BID: variants seen among roughly 807,000 people sequenced by gnomAD.
The protein encoded by BID is BH3-interacting domain death agonist.
A neutral mutation model predicts 17.4 loss-of-function variants in BID; 19 were observed. The observed-to-expected ratio is 1.09, with a 90% CI of 0.76 to 1.60. BID has a LOEUF of 1.60. BID is among the 40% of genes most tolerant of loss of function. The pLI is 0.00. For missense variants in BID, 226 were observed against 256.0 expected, an observed-to-expected ratio of 0.88 and a Z score of 0.80; for synonymous variants, 108 against 102.8, an observed-to-expected ratio of 1.05 and a Z score of -0.31.
intron 5 of BID, among the ~76,000 whole-genome samples, chr22:17,736,772 G>A (rs575550190): frequency 1.9e-3 from 293 of 151,972 alleles, no homozygotes; most frequent in Non-Finnish European, 3.3e-3. Flanking sequence ...CCTCCATGAC[G>A]GCGTGAACTA....
intron 1 of BID, among the ~76,000 whole-genome samples, chr22:17,772,854 C>T (rs2061731174): frequency 6.6e-6 from 1 of 151,910 alleles, no homozygotes; most frequent in Non-Finnish European, 1.5e-5. Context: ...ATCCCCCATA[C>T]CACCCTGGGG....
At position 17,744,023 on chromosome 22, in the gene BID, A is replaced by G. The variant is rs771880230; in HGVS notation, c.13-10T>C. ...TGGAACCGTTGTTGACCTGAGGGGA[A>G]AGGGGAGTCAGGAAGCCGGGACTTC... On this transcript the variant is annotated splice_polypyrimidine_tract_variant and intron_variant, in intron 2 of 5. Coordinates refer to ENST00000622694, the MANE Select transcript of BID (RefSeq NM_001196.4). The G allele has an allele frequency of 1.7e-5, 27 of 1,610,390 alleles. No individual in the cohort carries two copies. The highest frequency in any genetic ancestry group is 1.6e-4 in the Middle Eastern group (1 of 6,074).
intron 5 of BID, among the ~76,000 whole-genome samples, 167 bp downstream of exon 5, chr22:17,737,850 C>CT (rs2061430726): frequency 6.6e-6 from 1 of 152,184 alleles, no homozygotes; most frequent in Non-Finnish European, 1.5e-5. Context: ...TCTTCGTCAC[C>CT]TTTACACACA....
intron 1 of BID, among the ~76,000 whole-genome samples, chr22:17,768,860 G>A (rs112896765): frequency 0.13 from 18,124 of 140,934 alleles, 1,655 homozygotes; most frequent in East Asian, 0.38. Flanking sequence ...GCGACAGAGC[G>A]AGACTCCGTC....
intron 1 of BID, among the ~76,000 whole-genome samples, chr22:17,752,964 CTTTTT>C (rs34597946): frequency 1.2e-5 from 1 of 85,186 alleles, no homozygotes; most frequent in African/African-American, 4.8e-5. Flanking sequence ...CGCGCCCAGT[CTTTTT>C]TTTTTTTTTT....
At chr22:17,760,077 T>A (rs2061625289) in intron 1 of BID, among the ~76,000 whole-genome samples, 1 of 139,646 alleles carries the variant, frequency 7.2e-6, no homozygotes, top group South Asian at 2.2e-4. Context: ...GAGCTTGCAG[T>A]GAGCCGAGAT....
At chr22:17,763,433 C>T (rs1050881795) in intron 1 of BID, among the ~76,000 whole-genome samples, 13 of 151,928 alleles carry the variant, frequency 8.6e-5, no homozygotes, top group Non-Finnish European at 1.3e-4. Flanking sequence ...TAGTAGAGAC[C>T]GGGTTCCTCC....
intron 1 of BID, among the ~76,000 whole-genome samples, chr22:17,758,886 G>A (rs1365689495): frequency 6.6e-6 from 1 of 150,564 alleles, no homozygotes; most frequent in African/African-American, 2.5e-5. Flanking sequence ...GCTTAAAATG[G>A]GAAATCTTAT....
At position 17,773,996 on chromosome 22, in the gene BID, G is replaced by A; in HGVS notation, c.-59+385C>T. On this transcript the variant is annotated intron_variant, in intron 1 of 5. Coordinates refer to ENST00000622694, the MANE Select transcript of BID (RefSeq NM_001196.4). This position sits in a 1 kb window ranked among gnomAD's most constrained non-coding sequence, Gnocchi z 4.4. ...CGCCGGCAAGGGTGGCCTGCACCCG[G>A]CCAGGCCCGCGGGTTTTCTCCTCTC... 2.1e-6 allele frequency: 1 copy of A among 482,436 alleles called. No homozygotes were observed. Among genetic ancestry groups the A allele is most frequent in the Non-Finnish European group, 3.7e-6 (1 of 266,952 alleles). 29.9% of individuals were successfully genotyped at this position (482,436 alleles called of 1,614,324 possible). A position where few individuals can be genotyped will look rare whatever the true frequency, so the allele number is the denominator to read the frequency against.
chr22:17,751,857 G>A (rs1438433235), intron 1 of BID, among the ~76,000 whole-genome samples: 3 of 152,196 alleles, frequency 2.0e-5, no homozygotes, highest in African/African-American at 4.8e-5. Flanking sequence ...GCCATCTGCC[G>A]GCTCCACAGC....
rs1280237795 is a variant in BID, at chr22:17,764,503, G to A, written c.-59+9878C>T. ...AAAAGGTCAAGGTTAGGTTAAGACT[G>A]CAGACACTAAGAGATCACAGATGCT... is the stretch of plus-strand genomic sequence containing the variant. On this transcript the variant is annotated intron_variant, in intron 1 of 5. Transcript: ENST00000622694. Among the ~76,000 whole-genome samples, 3 of 152,218 alleles carry A rather than the reference G, an allele frequency of 2.0e-5. No homozygotes were observed. The East Asian group carries it at 5.8e-4, about 29-fold the overall frequency.
chr22:17,735,956 G>A (rs1183774760), intron 5 of BID, among the ~76,000 whole-genome samples: 1 of 152,166 alleles, frequency 6.6e-6, no homozygotes, highest in African/African-American at 2.4e-5. Context: ...AAGCTGTCCA[G>A]GAATGGTCTC....
chr22:17,745,749 C>T (rs1431937333), intron 2 of BID, among the ~76,000 whole-genome samples: 3 of 151,836 alleles, frequency 2.0e-5, no homozygotes, highest in African/African-American at 4.8e-5. Context: ...GGGCGGATCA[C>T]GAAGTCAGGA....
intron 1 of BID, among the ~76,000 whole-genome samples, chr22:17,765,369 G>A (rs2145917932): frequency 6.6e-6 from 1 of 152,186 alleles, no homozygotes; most frequent in South Asian, 2.1e-4. Flanking sequence ...TCTTTTTAGA[G>A]CTGAAAAAAA....
chr22:17,772,431 C>T (rs746167286), intron 1 of BID, among the ~76,000 whole-genome samples: 1 of 152,224 alleles, frequency 6.6e-6, no homozygotes, highest in African/African-American at 2.4e-5. Flanking sequence ...ATGTCAACGA[C>T]AGGAAGCATT....
chr22:17,757,988 T>C (rs572435619), intron 1 of BID, among the ~76,000 whole-genome samples: 107 of 152,312 alleles, frequency 7.0e-4, no homozygotes, highest in Admixed American at 4.2e-3. Context: ...GCCCTGGCCA[T>C]GTGGGGCTGA....
intron 1 of BID, among the ~76,000 whole-genome samples, chr22:17,754,520 C>T (rs2061567162): frequency 6.6e-6 from 1 of 152,258 alleles, no homozygotes; most frequent in Non-Finnish European, 1.5e-5. Context: ...CTATGTGCCT[C>T]CCATGCACTC....
At chr22:17,761,726 A>G (rs1376332821) in intron 1 of BID, among the ~76,000 whole-genome samples, 1 of 152,006 alleles carries the variant, frequency 6.6e-6, no homozygotes, top group African/African-American at 2.4e-5. Flanking sequence ...AAGCCACCGC[A>G]CCCGGCCATA....
Position 17,769,154 on chromosome 22 carries a change from A to G in BID, c.-59+5227T>C, listed in dbSNP as rs2061701172. On this transcript the variant is annotated intron_variant, in intron 1 of 5. Transcript: ENST00000622694. This position sits in a 1 kb window ranked among gnomAD's most constrained non-coding sequence, Gnocchi z 4.8. ...GTCAGGGCAGAGCCTCACAGAGCAC[A>G]GCAGGGCCTGTGCCGTGCCAACGCC... 6.6e-6 allele frequency among the ~76,000 whole-genome samples: 1 copy of G among 152,266 alleles called. No individual in the cohort carries two copies. The highest frequency in any genetic ancestry group is 1.5e-5 in the Non-Finnish European group (1 of 68,048).
Sources: allele counts gnomAD v4.1 joint callset (sites outside exome capture counted in the v4.1 genomes callset), GRCh38; gene constraint gnomAD v4.1.1; non-coding constraint Gnocchi (gnomAD v3.1); transcripts MANE v1.5; gene names NCBI Gene and HGNC (gene_info 2026-07-23, HGNC 2026-07-21).